ATP13A5: variants seen among roughly 807,000 people sequenced by gnomAD.
ATP13A5 encodes the protein probable cation-transporting ATPase 13A5.
ATP13A5 carries 149 observed loss-of-function variants against 150.2 expected under a neutral mutation model. That is an observed-to-expected ratio of 0.99 (90% CI 0.87 to 1.14). ATP13A5 has a LOEUF of 1.14. Among genes scored for constraint, ATP13A5 ranks in the 50% most tolerant of loss-of-function variants. ATP13A5 has a pLI of 0.00. For missense variants in ATP13A5, 1,383 were observed against 1,449.3 expected, an observed-to-expected ratio of 0.95 and a Z score of 0.74; for synonymous variants, 497 against 522.2, an observed-to-expected ratio of 0.95 and a Z score of 0.66.
chr3:193,330,550 A>G (rs925889168), intron 12 of ATP13A5, among the ~76,000 whole-genome samples: 1 of 152,244 alleles, frequency 6.6e-6, no homozygotes, highest in African/African-American at 2.4e-5. Flanking sequence ...TAGGAGACTC[A>G]CGTCATGGGG....
intron 25 of ATP13A5, among the ~76,000 whole-genome samples, chr3:193,292,694 G>A (rs1718015550): frequency 6.6e-6 from 1 of 152,104 alleles, no homozygotes; most frequent in Non-Finnish European, 1.5e-5. Context: ...ACATACTAGA[G>A]CGGACTGGCT....
intron 5 of ATP13A5, among the ~76,000 whole-genome samples, chr3:193,358,198 A>T (rs2108897058): frequency 6.6e-6 from 1 of 152,334 alleles, no homozygotes; most frequent in Admixed American, 6.5e-5. Flanking sequence ...TTTTCCATAC[A>T]TACAATGTCA....
chr3:193,331,031 G>A, intron 12 of ATP13A5, 92 bp downstream of exon 12: 2 of 1,310,408 alleles, frequency 1.5e-6, no homozygotes, highest in Non-Finnish European at 2.1e-6. Flanking sequence ...TCTGTAAAAT[G>A]GGAACACTGG....
At chr3:193,367,369 G>A in intron 1 of ATP13A5, among the ~76,000 whole-genome samples, 1 of 151,978 alleles carries the variant, frequency 6.6e-6, no homozygotes, top group African/African-American at 2.4e-5. Context: ...CAAAGAAATC[G>A]TCAAGCCCAG....
Position 193,299,221 on chromosome 3 carries a change from G to A in ATP13A5, c.2776-18C>T, listed in dbSNP as rs755764266. 1 of 1,594,732 alleles carries A rather than the reference G, an allele frequency of 6.3e-7. No individual in the cohort carries two copies. Among genetic ancestry groups the A allele is most frequent in the Non-Finnish European group, 8.6e-7 (1 of 1,167,366 alleles). ...TGTAGTTGCTGAAAAAGAAACAAAA[G>A]CAAATATAAATGTGGCATCTGCCAT... On this transcript the variant is annotated intron_variant, in intron 24 of 29. Coordinates refer to ENST00000342358, the MANE Select transcript of ATP13A5 (RefSeq NM_198505.4).
chr3:193,377,336 T>C (rs927623535), intron 1 of ATP13A5, among the ~76,000 whole-genome samples: 3 of 152,236 alleles, frequency 2.0e-5, no homozygotes, highest in African/African-American at 7.2e-5. Flanking sequence ...AAATATGAGC[T>C]GCCTTCTTAA....
chr3:193,299,265 C>T, intron 24 of ATP13A5, 62 bp from the exon 25 acceptor site: 3 of 1,330,480 alleles, frequency 2.3e-6, no homozygotes, highest in Non-Finnish European at 3.2e-6. Context: ...ATTTATTATT[C>T]CCTACACTCT....
At chr3:193,332,558 CT>C (rs1022311850) in intron 11 of ATP13A5, among the ~76,000 whole-genome samples, 4 of 152,152 alleles carry the variant, frequency 2.6e-5, no homozygotes, top group African/African-American at 9.7e-5. Context: ...GCCATAAATA[CT>C]TTTTTAAGTA....
At chr3:193,336,505 G>GAGAT (rs1331798334) in intron 9 of ATP13A5, among the ~76,000 whole-genome samples, 6 of 152,118 alleles carry the variant, frequency 3.9e-5, no homozygotes, top group African/African-American at 1.4e-4. Flanking sequence ...TTTTGTCCTT[G>GAGAT]AGATAGTTGC....
intron 7 of ATP13A5, 77 bp downstream of exon 7, chr3:193,350,990 C>A: frequency 6.6e-7 from 1 of 1,522,128 alleles, no homozygotes; most frequent in Non-Finnish European, 8.9e-7. Context: ...CAACTCCTGG[C>A]TCTCAGTGGA....
chr3:193,282,362 A>G (rs1276225697), intron 27 of ATP13A5, among the ~76,000 whole-genome samples: 4 of 152,106 alleles, frequency 2.6e-5, no homozygotes, highest in African/African-American at 9.7e-5. Flanking sequence ...CAAAAATATA[A>G]AATACAAAGG....
chr3:193,283,007 T>C (rs1717564442), intron 27 of ATP13A5, among the ~76,000 whole-genome samples: 1 of 152,150 alleles, frequency 6.6e-6, no homozygotes, highest in South Asian at 2.1e-4. Flanking sequence ...AGTTTTAAAG[T>C]ATAGTGGTAA....
At chr3:193,325,520 G>C (rs541506323) in intron 13 of ATP13A5, among the ~76,000 whole-genome samples, 2 of 152,334 alleles carry the variant, frequency 1.3e-5, no homozygotes, top group South Asian at 4.1e-4. Context: ...CATAATGGCA[G>C]CATTGTGGGA....
intron 21 of ATP13A5, among the ~76,000 whole-genome samples, chr3:193,309,673 A>C (rs929370790): frequency 6.6e-6 from 1 of 152,096 alleles, no homozygotes; most frequent in African/African-American, 2.4e-5. Context: ...TTAGAAGTCA[A>C]CTGTTGCACT....
At chr3:193,317,854 T>C (rs12632295) in intron 17 of ATP13A5, among the ~76,000 whole-genome samples, 128,115 of 152,176 alleles carry the variant, frequency 0.84, 54,089 homozygotes, top group East Asian at 0.98. Context: ...CAGCTGCGTT[T>C]GTATGTGACA....
intron 1 of ATP13A5, among the ~76,000 whole-genome samples, chr3:193,376,631 G>C (rs936337492): frequency 7.2e-5 from 11 of 152,232 alleles, no homozygotes; most frequent in South Asian, 6.2e-4. Context: ...CACACAGATT[G>C]ACCCATCACC....
Position 193,319,127 on chromosome 3 carries a change from C to G in ATP13A5, c.1916-19G>C, listed in dbSNP as rs1303171561. 2 of 1,586,188 alleles carry G rather than the reference C, an allele frequency of 1.3e-6. No individual in the cohort carries two copies. The highest frequency in any genetic ancestry group is 1.7e-6 in the Non-Finnish European group (2 of 1,155,122). On this transcript the variant is annotated intron_variant, in intron 16 of 29. Coordinates refer to ENST00000342358, the MANE Select transcript of ATP13A5 (RefSeq NM_198505.4). ...TTGGGCACTGCCAGGGTAGAAGAAA[C>G]AGGTAAGTGTAAGGTCATGTTGAAG...
At chr3:193,305,929 G>C (rs1025689695) in intron 22 of ATP13A5, among the ~76,000 whole-genome samples, 12 of 152,138 alleles carry the variant, frequency 7.9e-5, no homozygotes, top group African/African-American at 2.7e-4. Flanking sequence ...GCATACAAGG[G>C]CCCTGCCTGT....
In ATP13A5 at chr3:193,324,761, T is replaced by A. The variant is rs1577350475; in HGVS notation, c.1674+103A>T. 8 of 1,308,958 alleles carry A rather than the reference T, an allele frequency of 6.1e-6. No individual in the cohort carries two copies. The East Asian group carries it at 9.3e-5, about 15-fold the overall frequency. 81.1% of individuals were successfully genotyped at this position (1,308,958 alleles called of 1,614,324 possible). Reference sequence around the variant, plus strand: ...TAGTGTTACACGCTTATACATACATTATTATGAACCTTCTCTGTGTTTTAA... The same window carrying A: ...TAGTGTTACACGCTTATACATACATAATTATGAACCTTCTCTGTGTTTTAA... On this transcript the variant is annotated intron_variant, in intron 14 of 29. Coordinates refer to ENST00000342358, the MANE Select transcript of ATP13A5 (RefSeq NM_198505.4).
Sources: allele counts gnomAD v4.1 joint callset (sites outside exome capture counted in the v4.1 genomes callset), GRCh38; gene constraint gnomAD v4.1.1; transcripts MANE v1.5; gene names NCBI Gene and HGNC (gene_info 2026-07-23, HGNC 2026-07-21).